The following IKBKB-DT variants were observed in gnomAD, a reference collection of about 807,000 sequenced individuals.
The protein encoded by IKBKB-DT is IKBKB divergent transcript.
At chr8:42,248,665 G>A (rs1001878760) in intron 3 of IKBKB-DT, among the ~76,000 whole-genome samples, 2 of 152,056 alleles carry the variant, frequency 1.3e-5, no homozygotes, top group African/African-American at 2.4e-5. Flanking sequence ...CGGATCATGA[G>A]GTCAGGAGTT....
At chr8:42,234,028 G>A (rs1047853590) in intron 3 of IKBKB-DT, among the ~76,000 whole-genome samples, 1 of 152,176 alleles carries the variant, frequency 6.6e-6, no homozygotes, top group Non-Finnish European at 1.5e-5. Context: ...TAATCTTGTG[G>A]CTAATGTCAG....
At chr8:42,248,270 C>T (rs567711737) in intron 3 of IKBKB-DT, among the ~76,000 whole-genome samples, 4 of 152,130 alleles carry the variant, frequency 2.6e-5, no homozygotes, top group South Asian at 4.1e-4. Flanking sequence ...TGGTAATGCT[C>T]GCTTGCCCAC....
rs534985138 is a variant in IKBKB-DT at position 42,241,845 on chromosome 8, C to T, written n.1530-7986G>A. ...ATGGGTAGAACTGGTTAGTATGGAA[C>T]TCAAGCTTCAGTTAGATGGTCGAAC... On this transcript the variant is annotated intron_variant and non_coding_transcript_variant, in intron 3 of 3. Transcript: ENST00000518213. 5.0e-4 allele frequency among the ~76,000 whole-genome samples: 76 copies of T among 152,274 alleles called. 3 individuals are homozygous for T. Among genetic ancestry groups the T allele is most frequent in the Middle Eastern group, 3.4e-3 (1 of 294 alleles).
intron 3 of IKBKB-DT, among the ~76,000 whole-genome samples, chr8:42,254,009 G>T (rs1807162249): frequency 6.6e-6 from 1 of 152,242 alleles, no homozygotes; most frequent in Non-Finnish European, 1.5e-5. Flanking sequence ...TCTTGGACCA[G>T]TATAAGCATG....
intron 2 of IKBKB-DT, among the ~76,000 whole-genome samples, chr8:42,264,640 C>A (rs1807345369): frequency 6.6e-6 from 1 of 152,124 alleles, no homozygotes; most frequent in Non-Finnish European, 1.5e-5. Flanking sequence ...CTCATTGCAG[C>A]CTCCGCCTCC....
At chr8:42,270,161 A>ATCC (rs1807535108) in intron 1 of IKBKB-DT, among the ~76,000 whole-genome samples, 1 of 152,180 alleles carries the variant, frequency 6.6e-6, no homozygotes, top group Non-Finnish European at 1.5e-5. Flanking sequence ...GGGTTTGAGT[A>ATCC]TCAGCTCATC....
intron 3 of IKBKB-DT, among the ~76,000 whole-genome samples, chr8:42,239,013 G>A (rs1806963580): frequency 1.3e-5 from 2 of 151,998 alleles, no homozygotes; most frequent in African/African-American, 4.8e-5. Context: ...GGTTTTTTCT[G>A]TGCAGCACAC....
chr8:42,252,627 A>C (rs1473331799), intron 3 of IKBKB-DT, among the ~76,000 whole-genome samples: 1 of 152,216 alleles, frequency 6.6e-6, no homozygotes, highest in Non-Finnish European at 1.5e-5. Context: ...CTGGCCTCCC[A>C]ATGTGCTGGG....
At chr8:42,235,187 T>A (rs1806903096) in intron 3 of IKBKB-DT, among the ~76,000 whole-genome samples, 1 of 147,186 alleles carries the variant, frequency 6.8e-6, no homozygotes. Flanking sequence ...ATTTTTCTTT[T>A]TTCTTTTCTT....
intron 3 of IKBKB-DT, among the ~76,000 whole-genome samples, chr8:42,256,564 C>T (rs549736018): frequency 1.3e-5 from 2 of 152,082 alleles, no homozygotes; most frequent in African/African-American, 2.4e-5. Flanking sequence ...AAGAGCAAAA[C>T]TCCATCTCAA....
intron 3 of IKBKB-DT, chr8:42,249,361 CCT>C (rs1807101302): frequency 6.6e-6 from 1 of 151,358 alleles, no homozygotes; most frequent in African/African-American, 2.4e-5. Context: ...AGAGCAGGCC[CCT>C]GTTTCAAAAA....
intron 3 of IKBKB-DT, among the ~76,000 whole-genome samples, chr8:42,250,655 G>C (rs956017709): frequency 6.6e-6 from 1 of 152,190 alleles, no homozygotes; most frequent in African/African-American, 2.4e-5. Context: ...GGAGGTGGGG[G>C]CAGGGAACGG....
At chr8:42,264,003 G>A (rs1405764240) in intron 2 of IKBKB-DT, among the ~76,000 whole-genome samples, 1 of 151,772 alleles carries the variant, frequency 6.6e-6, no homozygotes, top group Non-Finnish European at 1.5e-5. Flanking sequence ...GTAGAGATGG[G>A]GTTTCACCAT....
intron 2 of IKBKB-DT, among the ~76,000 whole-genome samples, chr8:42,265,030 T>A (rs1807352100): frequency 6.6e-6 from 1 of 151,668 alleles, no homozygotes; most frequent in South Asian, 2.1e-4. Context: ...GCCCAGCTAA[T>A]TTTTGTACTT....
chr8:42,246,225 A>T (rs2129911475), intron 3 of IKBKB-DT, among the ~76,000 whole-genome samples: 1 of 152,232 alleles, frequency 6.6e-6, no homozygotes, highest in Middle Eastern at 3.4e-3. Context: ...TCAGGGTCTC[A>T]CTATGTTGTC....
At chr8:42,237,223 A>T (rs1806937307) in intron 3 of IKBKB-DT, among the ~76,000 whole-genome samples, 1 of 151,900 alleles carries the variant, frequency 6.6e-6, no homozygotes. Context: ...AGTAGCTGGG[A>T]TTACAGGTGC....
chr8:42,260,106 C>T (rs1160509999), intron 3 of IKBKB-DT, among the ~76,000 whole-genome samples: 1 of 151,846 alleles, frequency 6.6e-6, no homozygotes, highest in Non-Finnish European at 1.5e-5. Flanking sequence ...GAGCCAGAGT[C>T]GGGAGATCTC....
intron 3 of IKBKB-DT, among the ~76,000 whole-genome samples, chr8:42,240,942 T>G (rs1197192275): frequency 6.6e-6 from 1 of 151,928 alleles, no homozygotes; most frequent in Non-Finnish European, 1.5e-5. Flanking sequence ...GCCATTGCAC[T>G]CCAGCCTGGG....
intron 3 of IKBKB-DT, among the ~76,000 whole-genome samples, chr8:42,251,828 C>CAAAAAAAAAAAAAAAAA (rs59420104): frequency 4.4e-5 from 4 of 91,450 alleles, no homozygotes; most frequent in Admixed American, 1.2e-4. Context: ...GACTCCATCT[C>CAAAAAAAAAAAAAAAAA]AAAAAAAAAA....
Sources: allele counts gnomAD v4.1 joint callset (sites outside exome capture counted in the v4.1 genomes callset), GRCh38; gene constraint gnomAD v4.1.1; transcripts MANE v1.5; gene names NCBI Gene and HGNC (gene_info 2026-07-23, HGNC 2026-07-21).